Variants in TRIM34 observed in about 807,000 individuals in gnomAD.
The protein encoded by TRIM34 is tripartite motif containing 34.
A neutral mutation model predicts 38.1 loss-of-function variants in TRIM34; 41 were observed. The observed-to-expected ratio is 1.08, with a 90% confidence interval of 0.84 to 1.40. The LOEUF (loss-of-function observed/expected upper bound fraction) is 1.40, where lower values mean the gene tolerates loss of function less well. Among genes scored for constraint, TRIM34 ranks in the 40% most tolerant of loss-of-function variants. The pLI is 0.00. For missense variants in TRIM34, 556 were observed against 571.4 expected, an observed-to-expected ratio of 0.97 and a Z score of 0.27; for synonymous variants, 200 against 202.5, an observed-to-expected ratio of 0.99 and a Z score of 0.10.
At chr11:5,634,510 C>T (rs911539937) in intron 3 of TRIM34, 121 bp from the exon 4 acceptor site, 5 of 493,210 alleles carry the variant, frequency 1.0e-5, no homozygotes, top group African/African-American at 2.2e-5. Context: ...CACACACACA[C>T]ACACACACAC....
chr11:5,626,114 G>A (rs1465816839), intron 1 of TRIM34, among the ~76,000 whole-genome samples: 1 of 152,132 alleles, frequency 6.6e-6, no homozygotes, highest in Non-Finnish European at 1.5e-5. Context: ...CTTACTCCTG[G>A]GTAGAATCCA....
rs1554923130 is a variant in TRIM34, at chr11:5,643,125, A to ATATATTTTT, written c.902-18_902-17insATATTTTTT. 50 of 974,540 alleles carry ATATATTTTT rather than the reference A, an allele frequency of 5.1e-5. No homozygotes were observed. Among genetic ancestry groups the ATATATTTTT allele is most frequent in the South Asian group, 6.2e-5 (2 of 32,194 alleles). 60.4% of individuals were successfully genotyped at this position (974,540 alleles called of 1,614,324 possible). The stretch of plus-strand genomic sequence containing the variant: ...ATTATATTCATATACATATATATAT[A>ATATATTTTT]TTTTTTTTTTTCTTGCAGTGGATGT... On this transcript the variant is annotated intron_variant, in intron 7 of 7. Coordinates refer to ENST00000429814, the MANE Select transcript of TRIM34 (RefSeq NM_021616.6).
rs1006578797 is a variant in TRIM34, at chr11:5,644,056, C to A, written c.*347C>A. 17 of 416,884 alleles carry A rather than the reference C, an allele frequency of 4.1e-5. No individual in the cohort carries two copies. The Admixed American group carries it at 4.9e-4, about 12-fold the overall frequency. 25.8% of individuals were successfully genotyped at this position (416,884 alleles called of 1,614,324 possible). A position where few individuals can be genotyped will look rare whatever the true frequency, so the allele number is the denominator to read the frequency against. On this transcript the variant is annotated 3_prime_UTR_variant, in exon 8 of 8. Transcript: ENST00000429814. ...CTACCTAGGTAGTCCATAGGAACCA[C>A]CCCCATGACCACCACCAACATCAAC...
chr11:5,640,778 G>A (rs77672370), intron 4 of TRIM34, among the ~76,000 whole-genome samples: 6,149 of 152,040 alleles, frequency 0.04, 397 homozygotes, highest in African/African-American at 0.14. Flanking sequence ...TCTGGGTGAG[G>A]CCTTTTCTCT....
intron 1 of TRIM34, among the ~76,000 whole-genome samples, chr11:5,629,516 A>C (rs959457074): frequency 3.9e-5 from 6 of 152,040 alleles, no homozygotes; most frequent in African/African-American, 1.5e-4. Context: ...AACTGACCTC[A>C]GGTTCTGAGA....
chr11:5,642,909 G>A, intron 7 of TRIM34, 66 bp downstream of exon 7: 1 of 1,595,928 alleles, frequency 6.3e-7, no homozygotes, highest in South Asian at 1.1e-5. Flanking sequence ...TGGTTTCAAT[G>A]ATATCTTCTG....
In TRIM34 at chr11:5,636,324, C is replaced by T. The variant is rs989450008; in HGVS notation, c.750+1463C>T. On this transcript the variant is annotated intron_variant, in intron 4 of 7. Transcript: ENST00000429814. ...TATGAAAGTCTGTAAGTAGCAAATC[C>T]GTAATATAGAAACTAGATTAGTGGT... is the stretch of plus-strand genomic sequence containing the variant. 6.6e-5 allele frequency among the ~76,000 whole-genome samples: 10 copies of T among 152,008 alleles called. No homozygotes were observed. In the South Asian group the frequency reaches 8.3e-4, roughly 13 times the overall value.
At chr11:5,641,409 G>T in intron 5 of TRIM34, 1 of 1,211,362 alleles carries the variant, frequency 8.3e-7, no homozygotes, top group South Asian at 2.2e-5. Context: ...GAAGTTCAGA[G>T]CTACAGCCAA....
intron 1 of TRIM34, among the ~76,000 whole-genome samples, chr11:5,629,276 C>CA (rs148236358): frequency 0.013 from 1,992 of 148,726 alleles, 41 homozygotes; most frequent in African/African-American, 0.045. Context: ...AACTCCATCT[C>CA]AAAAAAAAAC....
At chr11:5,640,036 CTA>C (rs1390338107) in intron 4 of TRIM34, among the ~76,000 whole-genome samples, 2 of 152,258 alleles carry the variant, frequency 1.3e-5, no homozygotes, top group Non-Finnish European at 2.9e-5. Context: ...TTATTGTTGA[CTA>C]TAGTCACACT....
intron 2 of TRIM34, among the ~76,000 whole-genome samples, chr11:5,633,531 T>C (rs552500480): frequency 2.6e-5 from 4 of 152,258 alleles, no homozygotes; most frequent in African/African-American, 9.6e-5. Context: ...AGAGCATTGA[T>C]AAGAGGAAAG....
At position 5,643,218 on chromosome 11, in the gene TRIM34, G is replaced by C. The variant is rs778404270; in HGVS notation, c.976G>C (p.Val326Leu). The C allele has an allele frequency of 6.2e-7, 1 of 1,612,448 alleles. No individual in the cohort carries two copies. Among genetic ancestry groups the C allele is most frequent in the African/African-American group, 1.3e-5 (1 of 74,656 alleles). Residue 326 changes from valine to leucine, a missense_variant, in exon 8 of 8, where the codon GTG becomes CTG. Coordinates refer to ENST00000429814, the MANE Select transcript of TRIM34 (RefSeq NM_021616.6). ...LSEDQRQVIS[V>L]PIWPFQCYNY... The stretch of plus-strand genomic sequence containing the variant: ...AGAAGATCAGAGACAAGTGATATCT[G>C]TGCCAATTTGGCCTTTTCAGTGTTA...
rs746601799 is a variant in TRIM34 at position 5,643,236 on chromosome 11, C to T, written c.994C>T (p.Gln332Ter). 28 of 1,613,188 alleles carry T rather than the reference C, an allele frequency of 1.7e-5. No homozygotes were observed. Among genetic ancestry groups the T allele is most frequent in the Non-Finnish European group, 2.2e-5 (26 of 1,179,834 alleles). The change falls in exon 8 of 8, where the codon CAG (glutamine) becomes TAG (stop). Residue 332 changes from glutamine to a stop codon, truncating the protein, a stop_gained. Coordinates refer to ENST00000429814, the MANE Select transcript of TRIM34 (RefSeq NM_021616.6). LOFTEE classifies it low-confidence loss of function (END_TRUNC). ...QVISVPIWPF[Q>*]CYNYGVLGSQ... ...GATATCTGTGCCAATTTGGCCTTTT[C>T]AGTGTTATAATTATGGTGTCTTGGG... is the stretch of plus-strand genomic sequence containing the variant.
Position 5,632,479 on chromosome 11 carries a change from A to C in TRIM34, c.148A>C (p.Met50Leu), listed in dbSNP as rs1344029604. 1 of 1,614,080 alleles carries C rather than the reference A, an allele frequency of 6.2e-7. No homozygotes were observed. Residue 50 changes from methionine (M) to leucine (L), a missense_variant, in exon 2 of 8, where the codon ATG (methionine) becomes CTG (leucine). Physicochemically the swap from Met to Leu is conservative, Grantham distance 15. Coordinates refer to ENST00000429814, the MANE Select transcript of TRIM34 (RefSeq NM_021616.6). ...TVSNKEAVTS[M>L]GGKSSCPVCG... ...GAGCAACAAGGAGGCAGTGACCAGC[A>C]TGGGAGGAAAAAGCAGCTGTCCTGT...
At chr11:5,625,891 A>G (rs1403250521) in intron 1 of TRIM34, among the ~76,000 whole-genome samples, 3 of 152,228 alleles carry the variant, frequency 2.0e-5, no homozygotes, top group African/African-American at 7.2e-5. Context: ...TTTGCTCACA[A>G]TTACTTAACA....
intron 2 of TRIM34, among the ~76,000 whole-genome samples, chr11:5,633,146 C>CTTTT (rs142147714): frequency 2.2e-4 from 24 of 106,782 alleles, no homozygotes; most frequent in African/African-American, 3.5e-4. Context: ...CCTTTTCTTT[C>CTTTT]TTTTTTTTTT....
In TRIM34 at chr11:5,642,320, G is replaced by A. The variant is rs1031786567; in HGVS notation, c.774-86G>A. On this transcript the variant is annotated intron_variant, in intron 5 of 7. Transcript: ENST00000429814. ...GGGAGAAGGGTTCAAGTGCATCAGTGATGTGAAGGAGATGAAACCAGTGAT... is the reference window on the plus strand; with the variant it reads ...GGGAGAAGGGTTCAAGTGCATCAGTAATGTGAAGGAGATGAAACCAGTGAT... 74 of 1,220,096 alleles carry A rather than the reference G, an allele frequency of 6.1e-5. 1 individual carries two copies. In the South Asian group the frequency reaches 9.4e-4, roughly 16 times the overall value. 75.6% of individuals were successfully genotyped at this position (1,220,096 alleles called of 1,614,324 possible).
chr11:5,628,712 AC>A (rs1590158914), intron 1 of TRIM34, among the ~76,000 whole-genome samples: 1 of 152,150 alleles, frequency 6.6e-6, no homozygotes, highest in African/African-American at 2.4e-5. Flanking sequence ...CACTGTTGTA[AC>A]CAATTATCAC....
intron 1 of TRIM34, among the ~76,000 whole-genome samples, chr11:5,631,449 C>G (rs923270674): frequency 6.6e-6 from 1 of 152,142 alleles, no homozygotes; most frequent in Admixed American, 6.6e-5. Context: ...ATTTATTCAT[C>G]TGAAGAAAGG....
Sources: gnomAD v4.1 joint callset for allele counts (sites outside exome capture counted in the v4.1 genomes callset) on GRCh38, gnomAD v4.1.1 for gene constraint, MANE v1.5 for transcripts, NCBI Gene and HGNC (gene_info 2026-07-23, HGNC 2026-07-21) for gene names.